The following SLC71A2 variants were observed in gnomAD, a reference collection of about 807,000 sequenced individuals.
SLC71A2 encodes the protein solute carrier family 71 member 2.
the SLC71A2 span, among the ~76,000 whole-genome samples, chr9:94,403,203 C>T: frequency 6.6e-6 from 1 of 152,158 alleles, no homozygotes; most frequent in African/African-American, 2.4e-5. Context: ...ATGGCGCGAT[C>T]TCGGCTCACT....
At chr9:94,385,879 C>A in the SLC71A2 span, among the ~76,000 whole-genome samples, 1 of 151,948 alleles carries the variant, frequency 6.6e-6, no homozygotes, top group South Asian at 2.1e-4. Flanking sequence ...GAATAAGGAC[C>A]TCCTTTTTTT....
the SLC71A2 span, among the ~76,000 whole-genome samples, chr9:94,425,459 T>C: frequency 6.6e-6 from 1 of 152,212 alleles, no homozygotes; most frequent in East Asian, 1.9e-4. Flanking sequence ...AAGGCAGTCT[T>C]GAGGAAAATG....
the SLC71A2 span, among the ~76,000 whole-genome samples, chr9:94,399,611 T>C: frequency 1.3e-5 from 2 of 152,190 alleles, no homozygotes; most frequent in African/African-American, 4.8e-5. Flanking sequence ...TTCCACCATC[T>C]GCCATCCAGT....
At chr9:94,459,405 A>T in the SLC71A2 span, 3 of 1,613,616 alleles carry the variant, frequency 1.9e-6, no homozygotes, top group Non-Finnish European at 2.5e-6. Context: ...CAGTGCACTG[A>T]GCTGTAAACT....
At chr9:94,390,308 T>C in the SLC71A2 span, among the ~76,000 whole-genome samples, 1 of 150,128 alleles carries the variant, frequency 6.7e-6, no homozygotes, top group East Asian at 2.0e-4. Flanking sequence ...ACTAACCCTG[T>C]AACCAGGATC....
the SLC71A2 span, among the ~76,000 whole-genome samples, chr9:94,456,700 CTTAA>C: frequency 6.6e-5 from 10 of 151,936 alleles, no homozygotes; most frequent in Non-Finnish European, 1.0e-4. Flanking sequence ...CCACGAGTTA[CTTAA>C]TTACTTTATT....
At chr9:94,453,763 C>A in the SLC71A2 span, among the ~76,000 whole-genome samples, 1 of 152,122 alleles carries the variant, frequency 6.6e-6, no homozygotes, top group South Asian at 2.1e-4. Flanking sequence ...GCATTGAGCC[C>A]CAGGTCAGGC....
At chr9:94,415,691 C>A in the SLC71A2 span, among the ~76,000 whole-genome samples, 2 of 151,966 alleles carry the variant, frequency 1.3e-5, no homozygotes, top group South Asian at 2.1e-4. Flanking sequence ...TCATAATGAG[C>A]GCAACTTAGA....
chr9:94,417,835 C>T, the SLC71A2 span, among the ~76,000 whole-genome samples: 1 of 146,268 alleles, frequency 6.8e-6, no homozygotes, highest in South Asian at 2.2e-4. Context: ...TTGAGACTCT[C>T]CTTATAGGCA....
At chr9:94,381,623 A>T in the SLC71A2 span, among the ~76,000 whole-genome samples, 1 of 152,124 alleles carries the variant, frequency 6.6e-6, no homozygotes, top group Non-Finnish European at 1.5e-5. Context: ...ACACTTTTTT[A>T]AAAGTAAATA....
chr9:94,397,545 C>A, the SLC71A2 span, among the ~76,000 whole-genome samples: 5 of 151,902 alleles, frequency 3.3e-5, no homozygotes. Context: ...AAAGTCCATA[C>A]ATACTTTACT....
chr9:94,386,970 A>G, the SLC71A2 span, among the ~76,000 whole-genome samples: 6 of 151,908 alleles, frequency 3.9e-5, no homozygotes, highest in African/African-American at 1.5e-4. Flanking sequence ...TTACATTAAC[A>G]GTTGTCTTCT....
the SLC71A2 span, among the ~76,000 whole-genome samples, chr9:94,414,745 C>T: frequency 6.6e-6 from 1 of 152,060 alleles, no homozygotes; most frequent in African/African-American, 2.4e-5. Flanking sequence ...CTGCAAGCTC[C>T]GGCACCCGGG....
the SLC71A2 span, among the ~76,000 whole-genome samples, chr9:94,405,182 C>T: frequency 8.5e-5 from 13 of 152,094 alleles, no homozygotes; most frequent in South Asian, 2.7e-3. Context: ...CTTTTTATTT[C>T]CAGGCTTTTA....
chr9:94,400,357 G>T, the SLC71A2 span, among the ~76,000 whole-genome samples: 4 of 151,932 alleles, frequency 2.6e-5, no homozygotes, highest in Admixed American at 6.6e-5. Context: ...GTTGCCTGAG[G>T]AAAGAACTCA....
chr9:94,405,389 G>A, the SLC71A2 span, among the ~76,000 whole-genome samples: 2 of 151,922 alleles, frequency 1.3e-5, no homozygotes, highest in African/African-American at 2.4e-5. Context: ...CAGATACTCG[G>A]GAGGCTGAGG....
At chr9:94,381,997 C>T in the SLC71A2 span, among the ~76,000 whole-genome samples, 1 of 152,000 alleles carries the variant, frequency 6.6e-6, no homozygotes, top group East Asian at 1.9e-4. Flanking sequence ...TTCCCTATGG[C>T]TAGTGGCATT....
chr9:94,439,022 G>A, the SLC71A2 span, among the ~76,000 whole-genome samples: 66 of 115,702 alleles, frequency 5.7e-4, no homozygotes, highest in Non-Finnish European at 8.3e-4. Flanking sequence ...ATTTGAGTTC[G>A]TTTTTTTTTT....
At chr9:94,415,189 A>G in the SLC71A2 span, 6 of 1,613,926 alleles carry the variant, frequency 3.7e-6, no homozygotes, top group Non-Finnish European at 5.1e-6. Flanking sequence ...AGTGTGTACC[A>G]TGCTGCTATT....
Sources: allele counts gnomAD v4.1 joint callset (sites outside exome capture counted in the v4.1 genomes callset), GRCh38; gene constraint gnomAD v4.1.1; transcripts MANE v1.5; gene names NCBI Gene and HGNC (gene_info 2026-07-23, HGNC 2026-07-21).